UTRN: variants seen among roughly 807,000 people sequenced by gnomAD.
The protein encoded by UTRN is dystrophin-related protein 1.
Under a neutral mutation model 463.9 loss-of-function variants are expected in UTRN, and 283 were observed. The observed-to-expected ratio is 0.61, with a 90% CI of 0.55 to 0.67. The LOEUF is 0.67. UTRN is among the 30% of genes least tolerant of loss of function. The pLI is 0.00. For synonymous variants in UTRN, 1,442 were observed against 1,431.5 expected, an observed-to-expected ratio of 1.01 and a Z score of -0.17; for missense variants, 3,922 against 4,084.3, an observed-to-expected ratio of 0.96 and a Z score of 1.08.
At chr6:144,699,746 T>C (rs1176030191) in intron 52 of UTRN, among the ~76,000 whole-genome samples, 2 of 150,230 alleles carry the variant, frequency 1.3e-5, no homozygotes. Flanking sequence ...TAGGTCTGTG[T>C]TTTAAATTTT....
intron 15 of UTRN, 77 bp downstream of exon 15, chr6:144,447,395 T>C (rs9496976): frequency 0.044 from 64,098 of 1,454,766 alleles, 4,794 homozygotes; most frequent in African/African-American, 0.33. Flanking sequence ...GTTAGTAGAA[T>C]TTAGTGAATG....
intron 53 of UTRN, among the ~76,000 whole-genome samples, chr6:144,715,602 C>G (rs1228515632): frequency 6.6e-6 from 1 of 152,052 alleles, no homozygotes; most frequent in Non-Finnish European, 1.5e-5. Context: ...CCTGTCTGCT[C>G]TGCCCAAAAT....
intron 50 of UTRN, among the ~76,000 whole-genome samples, chr6:144,561,886 G>A (rs984333231): frequency 6.6e-6 from 1 of 152,126 alleles, no homozygotes; most frequent in Admixed American, 6.6e-5. Context: ...TTAGTCAAAT[G>A]CACAGTACTT....
At chr6:144,827,859 C>T (rs924603154) in intron 68 of UTRN, among the ~76,000 whole-genome samples, 183 bp downstream of exon 68, 1 of 152,082 alleles carries the variant, frequency 6.6e-6, no homozygotes, top group African/African-American at 2.4e-5. Flanking sequence ...TTACCAAACA[C>T]CTGCTATATA....
intron 53 of UTRN, among the ~76,000 whole-genome samples, chr6:144,717,667 G>A (rs1218169770): frequency 5.4e-4 from 59 of 109,866 alleles, no homozygotes; most frequent in African/African-American, 1.9e-3. Context: ...ACAGAGTCTC[G>A]CCCAGTTGCC....
chr6:144,479,356 T>G (rs1296698395), intron 25 of UTRN, among the ~76,000 whole-genome samples: 1 of 152,162 alleles, frequency 6.6e-6, no homozygotes, highest in Non-Finnish European at 1.5e-5. Flanking sequence ...TGACCTCAGG[T>G]GATCCCCCTG....
At chr6:144,748,932 G>A (rs1207228465) in intron 55 of UTRN, among the ~76,000 whole-genome samples, 1 of 152,010 alleles carries the variant, frequency 6.6e-6, no homozygotes, top group Non-Finnish European at 1.5e-5. Context: ...GCAGAATTGT[G>A]TCCATATGGT....
At chr6:144,612,296 T>A (rs1805607638) in intron 51 of UTRN, among the ~76,000 whole-genome samples, 1 of 152,084 alleles carries the variant, frequency 6.6e-6, no homozygotes, top group African/African-American at 2.4e-5. Context: ...GGGAAAAAGT[T>A]TCCTGACATT....
intron 2 of UTRN, among the ~76,000 whole-genome samples, chr6:144,351,055 A>G (rs977883619): frequency 6.6e-6 from 1 of 152,190 alleles, no homozygotes; most frequent in Non-Finnish European, 1.5e-5. Flanking sequence ...TATGAAAAAA[A>G]CCATTTTTTA....
Position 144,426,276 on chromosome 6 carries a change from C to A in UTRN, c.406-11C>A. 6.2e-7 allele frequency: 1 copy of A among 1,609,944 alleles called. No individual in the cohort carries two copies. Among genetic ancestry groups the A allele is most frequent in the Non-Finnish European group, 8.5e-7 (1 of 1,177,912 alleles). ...TATTAGTTATGGACAGGCCTGGTTT[C>A]TCTTACATAGGTGAAAGATGTCATG... On this transcript the variant is annotated splice_polypyrimidine_tract_variant and intron_variant, in intron 6 of 74. Coordinates refer to ENST00000367545, the MANE Select transcript of UTRN (RefSeq NM_007124.3).
chr6:144,812,501 T>TAAGA (rs1436877168), intron 65 of UTRN, among the ~76,000 whole-genome samples: 1 of 152,160 alleles, frequency 6.6e-6, no homozygotes, highest in Non-Finnish European at 1.5e-5. Context: ...CAGCATAAAG[T>TAAGA]AAGATTATAC....
At chr6:144,554,498 A>G (rs534276477) in intron 48 of UTRN, among the ~76,000 whole-genome samples, 190 bp from the exon 49 acceptor site, 256 of 152,238 alleles carry the variant, frequency 1.7e-3, no homozygotes, top group African/African-American at 5.8e-3. Flanking sequence ...TTTTTTCTCA[A>G]ACACCGTTTC....
intron 51 of UTRN, among the ~76,000 whole-genome samples, chr6:144,648,856 A>G (rs541666740): frequency 5.3e-5 from 8 of 152,362 alleles, no homozygotes; most frequent in African/African-American, 9.6e-5. Context: ...GCTCATATCA[A>G]ATAAAAAGTA....
At chr6:144,435,701 A>G (rs2114887098) in intron 9 of UTRN, among the ~76,000 whole-genome samples, 1 of 152,254 alleles carries the variant, frequency 6.6e-6, no homozygotes, top group African/African-American at 2.4e-5. Context: ...CTATATTAGA[A>G]TCTCCTTGAG....
Position 144,548,721 on chromosome 6 carries a change from CAA to C in UTRN, c.6678_6679del (p.Ile2227SerfsTer3). ...CAGTCTCATCGTACTTCGGAAATTT[CAA>C]TTCCTGCTGATCTTGATAAAACTAT... On this transcript the variant is annotated frameshift_variant, in exon 47 of 75. Coordinates refer to ENST00000367545, the MANE Select transcript of UTRN (RefSeq NM_007124.3). LOFTEE classifies it high-confidence loss of function. 1 of 1,614,036 alleles carries C rather than the reference CAA, an allele frequency of 6.2e-7. No homozygotes were observed.
At chr6:144,553,518 A>G (rs1047805414) in intron 48 of UTRN, among the ~76,000 whole-genome samples, 2 of 152,190 alleles carry the variant, frequency 1.3e-5, no homozygotes, top group Admixed American at 1.3e-4. Context: ...TGGTTTTAAC[A>G]TTCTACCTAC....
At chr6:144,709,772 T>C (rs768558878) in intron 53 of UTRN, among the ~76,000 whole-genome samples, 19 of 152,202 alleles carry the variant, frequency 1.2e-4, no homozygotes, top group Admixed American at 6.5e-4. Flanking sequence ...TAAATGCAAG[T>C]TTTGAATACC....
intron 51 of UTRN, among the ~76,000 whole-genome samples, chr6:144,652,659 C>T (rs1778931022): frequency 6.6e-6 from 1 of 152,206 alleles, no homozygotes; most frequent in Non-Finnish European, 1.5e-5. Flanking sequence ...ATACTCGTTT[C>T]CTTGGGAAGA....
At chr6:144,305,921 A>G (rs1334268396) in intron 2 of UTRN, among the ~76,000 whole-genome samples, 1 of 152,238 alleles carries the variant, frequency 6.6e-6, no homozygotes, top group Admixed American at 6.5e-5. Flanking sequence ...CACTGCAGTC[A>G]TGGACCTTGT....
Sources: gnomAD v4.1 joint callset for allele counts (sites outside exome capture counted in the v4.1 genomes callset) on GRCh38, gnomAD v4.1.1 for gene constraint, MANE v1.5 for transcripts, NCBI Gene and HGNC (gene_info 2026-07-23, HGNC 2026-07-21) for gene names.